The following GPR89A variants were observed in gnomAD, a reference collection of about 807,000 sequenced individuals.
GPR89A encodes G protein-coupled receptor 89A.
In GPR89A, 16 loss-of-function variants were observed where a neutral mutation model predicts 52.0. The ratio of observed to expected loss-of-function variants is 0.31; its 90% CI spans 0.21 to 0.47. GPR89A has a LOEUF of 0.47. GPR89A is among the 20% of genes least tolerant of loss of function. GPR89A has a pLI of 1.00. For missense variants in GPR89A, 135 were observed against 449.4 expected, an observed-to-expected ratio of 0.30 and a Z score of 6.33; for synonymous variants, 55 against 150.9, an observed-to-expected ratio of 0.36 and a Z score of 4.66.
At chr1:145,641,607 A>G (rs1559038396) in intron 7 of GPR89A, among the ~76,000 whole-genome samples, 1 of 152,102 alleles carries the variant, frequency 6.6e-6, no homozygotes, top group Non-Finnish European at 1.5e-5. Flanking sequence ...GAAACAACAG[A>G]GACCAGAAAA....
At chr1:145,660,999 A>T (rs1482993140) in intron 10 of GPR89A, among the ~76,000 whole-genome samples, 4 of 152,092 alleles carry the variant, frequency 2.6e-5, no homozygotes, top group Non-Finnish European at 5.9e-5. Context: ...ATAAAGACAC[A>T]TGCACACGTA....
intron 10 of GPR89A, among the ~76,000 whole-genome samples, chr1:145,656,672 G>C (rs71665916): frequency 5.8e-4 from 88 of 150,902 alleles, no homozygotes; most frequent in South Asian, 1.2e-3. Flanking sequence ...CTTCCTTCTT[G>C]TTATCCTTTT....
chr1:145,636,576 T>C (rs1268017508), intron 7 of GPR89A, among the ~76,000 whole-genome samples: 1 of 151,998 alleles, frequency 6.6e-6, no homozygotes, highest in African/African-American at 2.4e-5. Context: ...ATTAGTTTTC[T>C]AGGACCTCTT....
rs184474818 is a variant in GPR89A, at chr1:145,657,004, A to G, written c.910-6325A>G. Among the ~76,000 whole-genome samples the G allele has an allele frequency of 7.2e-5, 11 of 152,180 alleles. No homozygotes were observed. In the East Asian group the frequency reaches 1.5e-3, roughly 21 times the overall value. On this transcript the variant is annotated intron_variant, in intron 10 of 13. Coordinates refer to ENST00000313835, the MANE Select transcript of GPR89A (RefSeq NM_001097612.2). ...TTACATTCATTAATTTTTGAATATT[A>G]AACCAATCTTGCATTCCTAGAATAA...
intron 12 of GPR89A, among the ~76,000 whole-genome samples, chr1:145,668,260 G>A (rs1338145767): frequency 2.0e-5 from 3 of 152,164 alleles, no homozygotes; most frequent in African/African-American, 7.2e-5. Flanking sequence ...GCAGTGGTTT[G>A]TAGTTCTCCT....
At chr1:145,608,361 G>A in intron 1 of GPR89A, 186 bp downstream of exon 1, 1 of 1,104,802 alleles carries the variant, frequency 9.1e-7, no homozygotes, top group East Asian at 2.6e-5. Context: ...CGGCTGTCAG[G>A]AGACTGGCCT....
rs587614913 is a variant in GPR89A at position 145,625,911 on chromosome 1, C to G, written c.415+2197C>G. 2.0e-3 allele frequency among the ~76,000 whole-genome samples: 294 copies of G among 146,148 alleles called. 2 individuals carry two copies. The highest frequency in any genetic ancestry group is 7.6e-3 in the African/African-American group (274 of 35,822). On this transcript the variant is annotated intron_variant, in intron 5 of 13. Transcript: ENST00000313835. Reference sequence around the variant, plus strand: ...CTCCATGTTATTTGTCTTTGTATCCCCAGTGCCTAGTGTGGAAACTGACAC... The same window carrying G: ...CTCCATGTTATTTGTCTTTGTATCCGCAGTGCCTAGTGTGGAAACTGACAC...
chr1:145,658,205 AT>A (rs1317569607), intron 10 of GPR89A, among the ~76,000 whole-genome samples: 3 of 151,702 alleles, frequency 2.0e-5, no homozygotes, highest in African/African-American at 4.8e-5. Context: ...AAAAGTATAT[AT>A]TTTTTTTCAT....
chr1:145,654,231 A>T (rs587613030), intron 10 of GPR89A, among the ~76,000 whole-genome samples: 2 of 152,288 alleles, frequency 1.3e-5, no homozygotes, highest in South Asian at 4.2e-4. Context: ...TTGGCCAGAT[A>T]GGAAATTCTG....
intron 1 of GPR89A, chr1:145,608,497 G>C: frequency 2.8e-6 from 2 of 705,754 alleles, no homozygotes; most frequent in East Asian, 3.6e-5. Context: ...GGAGCTCCTC[G>C]AAGCTTCCGG....
intron 5 of GPR89A, among the ~76,000 whole-genome samples, chr1:145,627,047 T>C (rs1309245136): frequency 6.6e-6 from 1 of 151,904 alleles, no homozygotes; most frequent in East Asian, 1.9e-4. Flanking sequence ...AACCTTGGAA[T>C]GTCCTTAGTG....
At chr1:145,608,922 C>T (rs1553685602) in intron 1 of GPR89A, among the ~76,000 whole-genome samples, 1 of 151,488 alleles carries the variant, frequency 6.6e-6, no homozygotes, top group African/African-American at 2.4e-5. Flanking sequence ...CTTGCTTTTA[C>T]CATGTAATCT....
Position 145,670,497 on chromosome 1 carries a change from C to G in GPR89A, c.*457C>G, listed in dbSNP as rs1652926699. On this transcript the variant is annotated 3_prime_UTR_variant, in exon 14 of 14. Coordinates refer to ENST00000313835, the MANE Select transcript of GPR89A (RefSeq NM_001097612.2). ...CTTACGTTCATTTTATCAAGCATAGCTTGGTATTTATTATGCTTGTGTGAT... is the reference window on the plus strand; with the variant it reads ...CTTACGTTCATTTTATCAAGCATAGGTTGGTATTTATTATGCTTGTGTGAT... 1 of 256,798 alleles carries G rather than the reference C, an allele frequency of 3.9e-6. No homozygotes were observed. Among genetic ancestry groups the G allele is most frequent in the Non-Finnish European group, 7.6e-6 (1 of 132,374 alleles). 15.9% of individuals were successfully genotyped at this position (256,798 alleles called of 1,614,324 possible).
At chr1:145,658,161 G>C (rs1651938266) in intron 10 of GPR89A, among the ~76,000 whole-genome samples, 1 of 151,592 alleles carries the variant, frequency 6.6e-6, no homozygotes, top group African/African-American at 2.4e-5. Flanking sequence ...TTAGCATAAT[G>C]GGGTTGGGGG....
intron 1 of GPR89A, among the ~76,000 whole-genome samples, chr1:145,611,160 TTG>T (rs373604657): frequency 0.034 from 5,081 of 149,176 alleles, 280 homozygotes; most frequent in African/African-American, 0.12. Flanking sequence ...CTCCAGCTAC[TTG>T]TGTGTGTGTG....
chr1:145,663,011 T>C (rs1424967832), intron 10 of GPR89A, among the ~76,000 whole-genome samples: 1 of 152,216 alleles, frequency 6.6e-6, no homozygotes, highest in African/African-American at 2.4e-5. Flanking sequence ...CTGGGATTTC[T>C]TGATTCTCTT....
At chr1:145,608,213 C>G in intron 1 of GPR89A, 38 bp downstream of exon 1, 2 of 1,613,692 alleles carry the variant, frequency 1.2e-6, no homozygotes, top group African/African-American at 1.3e-5. Flanking sequence ...CCGTCCGCCT[C>G]CCTTTACCGA....
intron 10 of GPR89A, among the ~76,000 whole-genome samples, chr1:145,662,790 A>G (rs1652292499): frequency 6.6e-6 from 1 of 151,754 alleles, no homozygotes; most frequent in South Asian, 2.1e-4. Flanking sequence ...ACGTGGTTGG[A>G]TTTTAAACTA....
intron 11 of GPR89A, among the ~76,000 whole-genome samples, chr1:145,664,240 C>A (rs1187743854): frequency 6.6e-6 from 1 of 152,148 alleles, no homozygotes; most frequent in East Asian, 1.9e-4. Flanking sequence ...AATTGAGCCC[C>A]AATCCTTGAG....
Sources: allele counts gnomAD v4.1 joint callset (sites outside exome capture counted in the v4.1 genomes callset), GRCh38; gene constraint gnomAD v4.1.1; transcripts MANE v1.5; gene names NCBI Gene and HGNC (gene_info 2026-07-23, HGNC 2026-07-21).